LRP1B: variants seen among roughly 807,000 people sequenced by gnomAD.
The protein encoded by LRP1B is LDL receptor related protein 1B, also known as low-density lipoprotein receptor-related protein 1B.
In LRP1B, 217 loss-of-function variants were observed where a neutral mutation model predicts 556.6. The ratio of observed to expected loss-of-function variants is 0.39; its 90% CI spans 0.35 to 0.44. The LOEUF (loss-of-function observed/expected upper bound fraction) is 0.44. Among genes scored for constraint, LRP1B ranks in the 20% least tolerant of loss-of-function variants. The pLI is 1.00. For synonymous variants in LRP1B, 2,047 were observed against 1,865.8 expected, an observed-to-expected ratio of 1.10 and a Z score of -2.50; for missense variants, 5,053 against 5,620.8, an observed-to-expected ratio of 0.90 and a Z score of 3.23.
At chr2:141,749,392 C>T (rs986186252) in intron 2 of LRP1B, among the ~76,000 whole-genome samples, 1 of 152,088 alleles carries the variant, frequency 6.6e-6, no homozygotes, top group African/African-American at 2.4e-5. Flanking sequence ...ACAGAAACAA[C>T]ACAAGTCAAG....
intron 3 of LRP1B, among the ~76,000 whole-genome samples, chr2:141,344,256 C>T (rs1688169250): frequency 6.6e-6 from 1 of 152,148 alleles, no homozygotes; most frequent in Admixed American, 6.5e-5. Context: ...CTTCTCTTCA[C>T]ATCTCACTTA....
chr2:140,945,209 T>C (rs1366864946), intron 20 of LRP1B, among the ~76,000 whole-genome samples: 1 of 152,052 alleles, frequency 6.6e-6, no homozygotes, highest in Non-Finnish European at 1.5e-5. Context: ...CTGAAAGAAA[T>C]TAGAGATGAC....
chr2:140,994,496 C>T (rs975680785), intron 15 of LRP1B, among the ~76,000 whole-genome samples: 15 of 151,096 alleles, frequency 9.9e-5, no homozygotes, highest in African/African-American at 2.4e-4. Context: ...GGTCAAAGAG[C>T]GCAAAGTGGC....
At chr2:141,766,685 A>C (rs1457830594) in intron 2 of LRP1B, among the ~76,000 whole-genome samples, 3 of 152,158 alleles carry the variant, frequency 2.0e-5, no homozygotes, top group Non-Finnish European at 4.4e-5. Context: ...ACCTGCTTGG[A>C]TGATTACAAG....
chr2:140,289,378 CA>C (rs952558199), intron 84 of LRP1B, among the ~76,000 whole-genome samples: 1 of 151,764 alleles, frequency 6.6e-6, no homozygotes. Flanking sequence ...CAAGTGTCTT[CA>C]AAAAACTTTT....
At chr2:141,020,137 T>G in intron 11 of LRP1B, 35 bp from the exon 12 acceptor site, 1 of 1,383,824 alleles carries the variant, frequency 7.2e-7, no homozygotes. Context: ...AGAAATTGCT[T>G]TTACAACTAT....
chr2:141,057,645 G>T (rs1023067301), intron 9 of LRP1B, among the ~76,000 whole-genome samples: 1 of 151,776 alleles, frequency 6.6e-6, no homozygotes, highest in Non-Finnish European at 1.5e-5. Flanking sequence ...TCTGTCTGTG[G>T]CTATCCACAT....
intron 69 of LRP1B, 142 bp from the exon 70 acceptor site, chr2:140,371,427 T>C: frequency 2.5e-6 from 1 of 392,314 alleles, no homozygotes; most frequent in Non-Finnish European, 4.6e-6. Flanking sequence ...ATGACTGGTA[T>C]TACAGATTCA....
chr2:141,765,478 T>C (rs1694704307), intron 2 of LRP1B, among the ~76,000 whole-genome samples: 1 of 152,176 alleles, frequency 6.6e-6, no homozygotes, highest in African/African-American at 2.4e-5. Flanking sequence ...TTGCTCAATC[T>C]TGGCTTCCAA....
intron 37 of LRP1B, among the ~76,000 whole-genome samples, chr2:140,710,806 G>A (rs979036799): frequency 9.9e-5 from 15 of 151,902 alleles, no homozygotes; most frequent in East Asian, 1.9e-4. Flanking sequence ...TGGATGTAGC[G>A]GCAAATAAAT....
intron 2 of LRP1B, among the ~76,000 whole-genome samples, chr2:141,655,062 T>C (rs1206291165): frequency 6.6e-6 from 1 of 152,180 alleles, no homozygotes; most frequent in South Asian, 2.1e-4. Context: ...TTTGTGGAAA[T>C]ACTCTATTCT....
intron 52 of LRP1B, among the ~76,000 whole-genome samples, chr2:140,508,128 AATGGGTACT>A (rs1031453432): frequency 3.3e-5 from 5 of 152,192 alleles, no homozygotes; most frequent in Non-Finnish European, 5.9e-5. Flanking sequence ...ATTGATATGT[AATGGGTACT>A]TGAAAAACTT....
intron 11 of LRP1B, among the ~76,000 whole-genome samples, chr2:141,047,213 G>A (rs1261150038): frequency 2.0e-5 from 3 of 151,880 alleles, no homozygotes; most frequent in Admixed American, 6.6e-5. Context: ...GAGAAAAGTA[G>A]GCAGACAGCC....
intron 59 of LRP1B, among the ~76,000 whole-genome samples, chr2:140,476,066 C>G (rs1193250683): frequency 6.6e-6 from 1 of 151,900 alleles, no homozygotes; most frequent in Admixed American, 6.6e-5. Flanking sequence ...AATATTGATA[C>G]TATATAATTA....
At chr2:140,699,866 A>G (rs905135147) in intron 41 of LRP1B, among the ~76,000 whole-genome samples, 68 of 148,338 alleles carry the variant, frequency 4.6e-4, no homozygotes, top group African/African-American at 5.1e-4. Context: ...TTGAGAAACT[A>G]TGATTAACTA....
At chr2:140,833,880 G>C (rs888796741) in intron 31 of LRP1B, among the ~76,000 whole-genome samples, 2 of 152,150 alleles carry the variant, frequency 1.3e-5, no homozygotes, top group African/African-American at 4.8e-5. Context: ...TTTTATAAAT[G>C]AGAATCAAAA....
At chr2:141,904,776 G>A (rs916628284) in intron 1 of LRP1B, among the ~76,000 whole-genome samples, 1 of 151,922 alleles carries the variant, frequency 6.6e-6, no homozygotes, top group Non-Finnish European at 1.5e-5. Context: ...AAACTAGAGG[G>A]ACACAGACAA....
chr2:141,285,830 G>C (rs1462603381), intron 3 of LRP1B, among the ~76,000 whole-genome samples: 1 of 147,708 alleles, frequency 6.8e-6, no homozygotes, highest in African/African-American at 2.5e-5. Flanking sequence ...ACTTTGGGAG[G>C]CCGAGGCGGG....
At chr2:140,851,587 T>C in intron 28 of LRP1B, 65 bp downstream of exon 28, 1 of 1,552,416 alleles carries the variant, frequency 6.4e-7, no homozygotes, top group Non-Finnish European at 8.7e-7. Flanking sequence ...AAAATCTGAA[T>C]GCTAATATAA....
Sources: gnomAD v4.1 joint callset for allele counts (sites outside exome capture counted in the v4.1 genomes callset) on GRCh38, gnomAD v4.1.1 for gene constraint, MANE v1.5 for transcripts, NCBI Gene and HGNC (gene_info 2026-07-23, HGNC 2026-07-21) for gene names.